PRSS3: variants seen among roughly 807,000 people sequenced by gnomAD.
PRSS3 encodes serine protease 3.
In PRSS3, 14 loss-of-function variants were observed where a neutral mutation model predicts 20.8. The observed-to-expected ratio is 0.67, with a 90% CI of 0.44 to 1.05. PRSS3 has a LOEUF of 1.05. PRSS3 is among the 50% of genes least tolerant of loss of function. The pLI is 0.00. For synonymous variants in PRSS3, 91 were observed against 117.6 expected (o/e 0.77, Z 1.46); for missense variants, 237 against 306.4 (o/e 0.77, Z 1.69).
In PRSS3 at chr9:33,769,322, T is replaced by A. The variant is rs151317153; in HGVS notation, c.-53+18595T>A. Among the ~76,000 whole-genome samples the A allele has an allele frequency of 1.4e-4, 22 of 152,258 alleles. No homozygotes were observed. The East Asian group carries it at 4.1e-3, about 28-fold the overall frequency. The stretch of plus-strand genomic sequence containing the variant: ...GACCAAGGGTGTGGCTGAACCCCCA[T>A]CTGAAAAGATGGCCAATGTGATGCA... On this transcript the variant is annotated intron_variant, in intron 1 of 5. Transcript: ENST00000342836.
At chr9:33,785,412 C>T (rs2790733) in intron 1 of PRSS3, among the ~76,000 whole-genome samples, 1 of 151,462 alleles carries the variant, frequency 6.6e-6, no homozygotes, top group Admixed American at 6.6e-5. Flanking sequence ...CTCCTGACCT[C>T]GTGATCCGCC....
chr9:33,752,226 G>A (rs1203692217), intron 1 of PRSS3, among the ~76,000 whole-genome samples: 15 of 152,226 alleles, frequency 9.9e-5, no homozygotes, highest in African/African-American at 2.6e-4. Flanking sequence ...GGTTGTGATG[G>A]CCGAGGCGAA....
chr9:33,761,810 C>T (rs538276015), intron 1 of PRSS3, among the ~76,000 whole-genome samples: 8 of 152,110 alleles, frequency 5.3e-5, no homozygotes, highest in Admixed American at 3.3e-4. Flanking sequence ...ACCCTGGGGA[C>T]GGAGGTTGCA....
At chr9:33,774,239 C>T (rs935502327) in intron 1 of PRSS3, among the ~76,000 whole-genome samples, 1 of 152,174 alleles carries the variant, frequency 6.6e-6, no homozygotes, top group African/African-American at 2.4e-5. Flanking sequence ...ATCTCCTCCA[C>T]GTGTTCCATA....
At chr9:33,768,079 C>G (rs540663680) in intron 1 of PRSS3, among the ~76,000 whole-genome samples, 12 of 152,308 alleles carry the variant, frequency 7.9e-5, no homozygotes, top group African/African-American at 2.6e-4. Flanking sequence ...AAATAGGGTG[C>G]TGGTGAGCAG....
intron 1 of PRSS3, among the ~76,000 whole-genome samples, chr9:33,754,044 TTTCTTTTCTCTC>T (rs1375008984): frequency 1.3e-5 from 2 of 151,920 alleles, no homozygotes; most frequent in Non-Finnish European, 2.9e-5. Context: ...TTTTTTTTCT[TTTCTTTTCTCTC>T]TTCTTTTCTT....
intron 1 of PRSS3, among the ~76,000 whole-genome samples, chr9:33,760,888 T>C (rs1823168916): frequency 7.0e-6 from 1 of 143,044 alleles, no homozygotes. Context: ...AGTGAGAAAA[T>C]AGAATTTAGT....
intron 1 of PRSS3, among the ~76,000 whole-genome samples, chr9:33,771,632 T>TTTTGG (rs1407120450): frequency 1.6e-5 from 2 of 121,220 alleles, no homozygotes. Flanking sequence ...GGGTTTTGTT[T>TTTTGG]TTTTGTTTTT....
chr9:33,761,167 A>G lies in PRSS3; in HGVS notation c.-53+10440A>G, dbSNP rs566128930. The stretch of plus-strand genomic sequence containing the variant: ...TGTTAGGCGATTTTGTTGTGTGGAC[A>G]TCCTAGAGTGTACTTATACAAACCC... On this transcript the variant is annotated intron_variant, in intron 1 of 5. Transcript: ENST00000342836. Among the ~76,000 whole-genome samples the G allele has an allele frequency of 7.9e-5, 12 of 152,342 alleles. No individual in the cohort carries two copies. In the South Asian group the frequency reaches 2.5e-3, roughly 32 times the overall value.
At chr9:33,759,810 G>T (rs1055568931) in intron 1 of PRSS3, among the ~76,000 whole-genome samples, 2 of 152,216 alleles carry the variant, frequency 1.3e-5, no homozygotes, top group African/African-American at 4.8e-5. Context: ...GAGAGTTCTT[G>T]CAAGGGGAAG....
chr9:33,798,149 T>A (rs1364720535), intron 3 of PRSS3, 67 bp downstream of exon 3: 2 of 1,610,894 alleles, frequency 1.2e-6, no homozygotes, highest in East Asian at 4.5e-5. Context: ...AGCATGCCCC[T>A]TTATTTGAAT....
chr9:33,798,119 C>T (rs752400207), intron 3 of PRSS3, 37 bp downstream of exon 3: 2 of 1,614,160 alleles, frequency 1.2e-6, no homozygotes, highest in South Asian at 2.2e-5. Context: ...TTCCCCCCAT[C>T]CTCACAATTT....
intron 1 of PRSS3, among the ~76,000 whole-genome samples, chr9:33,758,304 T>G (rs1563956038): frequency 6.6e-6 from 1 of 152,336 alleles, no homozygotes; most frequent in East Asian, 1.9e-4. Context: ...CTCAGACCCA[T>G]GATGAAAGTC....
chr9:33,787,540 T>C (rs1015865548), intron 1 of PRSS3, among the ~76,000 whole-genome samples: 1 of 152,192 alleles, frequency 6.6e-6, no homozygotes, highest in Non-Finnish European at 1.5e-5. Context: ...ACTTTGGATA[T>C]ACTGCATTTG....
rs1164203230 is a variant in PRSS3 at position 33,786,133 on chromosome 9, C to T, written c.-52-8613C>T. The T allele has an allele frequency of 6.1e-5, 22 of 361,614 alleles. No homozygotes were observed. The Admixed American group carries it at 7.4e-4, about 12-fold the overall frequency. 22.4% of individuals were successfully genotyped at this position (361,614 alleles called of 1,614,324 possible). A position where few individuals can be genotyped will look rare whatever the true frequency, so the allele number is the denominator to read the frequency against. ...CACCTATTAGAGGAGAGAAACAGAG[C>T]GGGAAAGAACTACGCTGTAGGAAGG... On this transcript the variant is annotated intron_variant, in intron 1 of 5. Transcript: ENST00000342836.
chr9:33,758,223 TAC>T (rs973208423), intron 1 of PRSS3, among the ~76,000 whole-genome samples: 1 of 152,194 alleles, frequency 6.6e-6, no homozygotes, highest in Admixed American at 6.5e-5. Flanking sequence ...TTATACATTA[TAC>T]AAAGCACATT....
intron 1 of PRSS3, among the ~76,000 whole-genome samples, chr9:33,753,926 CTT>C (rs1822812167): frequency 6.6e-6 from 1 of 152,318 alleles, no homozygotes; most frequent in African/African-American, 2.4e-5. Flanking sequence ...TTCCTTGTGT[CTT>C]CCCGCACCAC....
chr9:33,797,038 G>A (rs923757699), intron 2 of PRSS3, among the ~76,000 whole-genome samples: 9 of 152,186 alleles, frequency 5.9e-5, no homozygotes, highest in Admixed American at 3.9e-4. Context: ...ACAAAAGCAG[G>A]CAAGTACCTT....
At chr9:33,782,716 C>T (rs957077305) in intron 1 of PRSS3, among the ~76,000 whole-genome samples, 2 of 152,324 alleles carry the variant, frequency 1.3e-5, no homozygotes, top group African/African-American at 4.8e-5. Flanking sequence ...CACCTGGCAA[C>T]ACCAAATGCT....
Sources: gnomAD v4.1 joint callset for allele counts (sites outside exome capture counted in the v4.1 genomes callset) on GRCh38, gnomAD v4.1.1 for gene constraint, MANE v1.5 for transcripts, NCBI Gene and HGNC (gene_info 2026-07-23, HGNC 2026-07-21) for gene names.